The following CAPNS1 variants were observed in gnomAD, a reference collection of about 807,000 sequenced individuals.
CAPNS1 encodes the protein calpain small subunit 1, also known as CANP small subunit.
Under a neutral mutation model 39.2 loss-of-function variants are expected in CAPNS1, and 32 were observed. That is an observed-to-expected ratio of 0.82 (90% CI 0.62 to 1.10). The LOEUF is 1.10. CAPNS1 is among the 50% of genes least tolerant of loss of function. CAPNS1 has a pLI of 0.00. For synonymous variants in CAPNS1, 153 were observed against 136.2 expected (o/e 1.12, Z -0.86); for missense variants, 353 against 373.1 (o/e 0.95, Z 0.44).
chr19:36,141,053 C>CGGCGGGGGA lies in CAPNS1; in HGVS notation c.51_59dup (p.Gly18_Gly20dup), dbSNP rs770936240. On this transcript the variant is annotated inframe_insertion, in exon 2 of 11. Transcript: ENST00000246533. ...CGTTCTTGAAGGGCGGCGGCGGCGG[C>CGGCGGGGGA]GGCGGGGGAGGCGGGGGCCTGGGTG... The CGGCGGGGGA allele has an allele frequency of 1.2e-6, 1 of 817,884 alleles. No individual in the cohort carries two copies. Among genetic ancestry groups the CGGCGGGGGA allele is most frequent in the African/African-American group, 1.9e-5 (1 of 52,608 alleles). 50.7% of individuals were successfully genotyped at this position (817,884 alleles called of 1,614,324 possible).
chr19:36,144,623 A>G (rs1267451594), intron 6 of CAPNS1, among the ~76,000 whole-genome samples: 1 of 152,190 alleles, frequency 6.6e-6, no homozygotes, highest in Non-Finnish European at 1.5e-5. Flanking sequence ...ACCTTAAGCA[A>G]TCCTTCCGCC....
intron 2 of CAPNS1, 92 bp downstream of exon 2, chr19:36,141,312 T>C (rs953961646): frequency 2.1e-6 from 3 of 1,417,954 alleles, no homozygotes; most frequent in Admixed American, 3.5e-5. Flanking sequence ...AAAAATAGAA[T>C]AGGATTAACC....
Position 36,145,969 on chromosome 19 carries a change from C to T in CAPNS1, c.526-7C>T. On this transcript the variant is annotated splice_region_variant and splice_polypyrimidine_tract_variant and intron_variant, in intron 7 of 10. Transcript: ENST00000246533. ...CTCACTTGGACCCAATGTCTCTGTCCTCACAGGCCATATACAAACAGTTCG... is the reference window on the plus strand; with the variant it reads ...CTCACTTGGACCCAATGTCTCTGTCTTCACAGGCCATATACAAACAGTTCG... The T allele has an allele frequency of 1.2e-6, 2 of 1,614,156 alleles. No individual in the cohort carries two copies. Among genetic ancestry groups the T allele is most frequent in the Admixed American group, 1.7e-5 (1 of 60,022 alleles).
At chr19:36,145,657 AC>A in intron 6 of CAPNS1, 148 bp from the exon 7 acceptor site, 1 of 609,988 alleles carries the variant, frequency 1.6e-6, no homozygotes, top group South Asian at 2.1e-5. Context: ...GAAAAATAAA[AC>A]CGCACACCAG....
intron 6 of CAPNS1, 81 bp downstream of exon 6, chr19:36,143,209 C>T: frequency 8.4e-7 from 1 of 1,189,532 alleles, no homozygotes; most frequent in Non-Finnish European, 1.3e-6. Context: ...CAACATGTAG[C>T]TTTCATATCC....
rs768785352 is a variant in CAPNS1 at position 36,146,299 on chromosome 19, G to A, written c.708G>A (p.Leu236=). Residue 236 remains leucine (L), a synonymous_variant, in exon 9 of 11, where the codon CTG becomes CTA. Coordinates refer to ENST00000246533, the MANE Select transcript of CAPNS1 (RefSeq NM_001749.4). ...ACTTCATCAGCTGCTTGGTCAGGCT[G>A]GACGCCATGTTCCGTGAGTGACAAC... ...FDNFISCLVR[L]DAMFRAFKSL... 92 of 1,611,504 alleles carry A rather than the reference G, an allele frequency of 5.7e-5. No individual in the cohort carries two copies. Among genetic ancestry groups the A allele is most frequent in the Non-Finnish European group, 6.5e-5 (77 of 1,177,642 alleles).
chr19:36,142,248 C>T, intron 2 of CAPNS1, 52 bp from the exon 3 acceptor site: 2 of 1,245,132 alleles, frequency 1.6e-6, no homozygotes, highest in South Asian at 1.2e-5. Context: ...GTAGTGCTGC[C>T]CGTTGGAGGC....
intron 9 of CAPNS1, among the ~76,000 whole-genome samples, chr19:36,146,874 C>G (rs1297444745): frequency 6.6e-6 from 1 of 152,146 alleles, no homozygotes; most frequent in African/African-American, 2.4e-5. Flanking sequence ...ACAGAGTCTG[C>G]TGCTCTTGTT....
In CAPNS1 at chr19:36,141,227, C is replaced by A; in HGVS notation, c.209+7C>A. 6.6e-7 allele frequency: 1 copy of A among 1,516,120 alleles called. No individual in the cohort carries two copies. 93.9% of individuals were successfully genotyped at this position (1,516,120 alleles called of 1,614,324 possible). ...GAGTCATCAGCGCCATCAGGTAAGG[C>A]GGAGACTATCAGAGGGGCGGGGCCT... On this transcript the variant is annotated splice_region_variant and intron_variant, in intron 2 of 10. Transcript: ENST00000246533.
At position 36,142,708 on chromosome 19, in the gene CAPNS1, G is replaced by A; in HGVS notation, c.300G>A (p.Gln100=). The A allele has an allele frequency of 6.2e-7, 1 of 1,614,134 alleles. No individual in the cohort carries two copies. The highest frequency in any genetic ancestry group is 8.5e-7 in the Non-Finnish European group (1 of 1,180,014). ...IEANESEEVR[Q]FRRLFAQLAG... Reference sequence around the variant, plus strand: ...CCAACGAGAGTGAGGAGGTCCGGCAGTTCCGGAGACTCTTTGCCCAGCTGG... The same window carrying A: ...CCAACGAGAGTGAGGAGGTCCGGCAATTCCGGAGACTCTTTGCCCAGCTGG... The change falls in exon 4 of 11, where the codon CAG becomes CAA. Residue 100 remains glutamine (Q), a synonymous_variant. Transcript: ENST00000246533.
chr19:36,144,818 G>A lies in CAPNS1; in HGVS notation c.457-988G>A, dbSNP rs188235853. On this transcript the variant is annotated intron_variant, in intron 6 of 10. Coordinates refer to ENST00000246533, the MANE Select transcript of CAPNS1 (RefSeq NM_001749.4). The stretch of plus-strand genomic sequence containing the variant: ...GGTTATTGAACCGCTCTGTGCCTCA[G>A]TTTCTCTCTCTGTAAAATGGGTGAG... Among the ~76,000 whole-genome samples, 49 of 152,362 alleles carry A rather than the reference G, an allele frequency of 3.2e-4. 2 individuals carry two copies. Among genetic ancestry groups the A allele is most frequent in the Admixed American group, 3.1e-3 (48 of 15,296 alleles).
At chr19:36,141,631 T>G (rs1599876204) in intron 2 of CAPNS1, 1 of 1,025,762 alleles carries the variant, frequency 9.7e-7, no homozygotes, top group Non-Finnish European at 1.2e-6. Flanking sequence ...TGGTCAGAGG[T>G]TTTAGGTGGG....
rs369952446 is a variant in CAPNS1, at chr19:36,149,568, C to T, written c.722-10C>T. On this transcript the variant is annotated splice_polypyrimidine_tract_variant and intron_variant, in intron 9 of 10. Transcript: ENST00000246533. ...TCCCTGCCGCCAAACCTCTGCATCTCCTCCTCCAGGTGCCTTCAAATCTCT... is the reference window on the plus strand; with the variant it reads ...TCCCTGCCGCCAAACCTCTGCATCTTCTCCTCCAGGTGCCTTCAAATCTCT... 131 of 1,471,840 alleles carry T rather than the reference C, an allele frequency of 8.9e-5. No homozygotes were observed. Among genetic ancestry groups the T allele is most frequent in the Admixed American group, 2.3e-4 (9 of 39,058 alleles). The allele number at this position is 1,471,840 out of a possible 1,614,324, so 91.2% of individuals were successfully genotyped here. A position where few individuals can be genotyped will look rare whatever the true frequency, so the allele number is the denominator to read the frequency against.
chr19:36,147,785 C>G (rs1974624545), intron 9 of CAPNS1, among the ~76,000 whole-genome samples: 1 of 151,294 alleles, frequency 6.6e-6, no homozygotes, highest in East Asian at 2.0e-4. Flanking sequence ...AATCCCTTGG[C>G]CTCCAGGCCG....
rs14100 is a variant in CAPNS1, at chr19:36,149,867, T to C, written c.*28T>C. On this transcript the variant is annotated 3_prime_UTR_variant, in exon 11 of 11. Coordinates refer to ENST00000246533, the MANE Select transcript of CAPNS1 (RefSeq NM_001749.4). ...TGGAGCCCCAGACCCGCCCCCTCACTGCCTTGCTATAGGAGTCACCTGGAG... is the reference window on the plus strand; with the variant it reads ...TGGAGCCCCAGACCCGCCCCCTCACCGCCTTGCTATAGGAGTCACCTGGAG... 1,358,086 of 1,426,544 alleles carry C rather than the reference T, an allele frequency of 0.95. 646,779 individuals carry two copies. Among genetic ancestry groups the C allele is most frequent in the East Asian group, 1 (37,083 of 37,096 alleles). The allele number at this position is 1,426,544 out of a possible 1,614,324, so 88.4% of individuals were successfully genotyped here.
intron 6 of CAPNS1, among the ~76,000 whole-genome samples, chr19:36,145,139 G>C (rs984422330): frequency 1.0e-4 from 15 of 148,486 alleles, no homozygotes; most frequent in African/African-American, 3.0e-4. Context: ...TCACACACTT[G>C]TTTTTCACAT....
At chr19:36,143,240 A>G in intron 6 of CAPNS1, 112 bp downstream of exon 6, 1 of 911,450 alleles carries the variant, frequency 1.1e-6, no homozygotes, top group Non-Finnish European at 1.8e-6. Flanking sequence ...AAATGCATTC[A>G]TCAGAACACA....
chr19:36,140,831 C>T (rs1394090731), intron 1 of CAPNS1, 166 bp from the exon 2 acceptor site: 3 of 983,526 alleles, frequency 3.1e-6, no homozygotes, highest in East Asian at 6.4e-5. Context: ...CAAACCTGAT[C>T]CCCCATACCT....
chr19:36,142,358 C>T, intron 3 of CAPNS1, 25 bp downstream of exon 3: 1 of 1,382,154 alleles, frequency 7.2e-7, no homozygotes, highest in Non-Finnish European at 1.0e-6. Context: ...CAACCAGACC[C>T]CCTTCTCCTG....
Sources: allele counts gnomAD v4.1 joint callset (sites outside exome capture counted in the v4.1 genomes callset), GRCh38; gene constraint gnomAD v4.1.1; transcripts MANE v1.5; gene names NCBI Gene and HGNC (gene_info 2026-07-23, HGNC 2026-07-21).